CCDC88C: variants seen among roughly 807,000 people sequenced by gnomAD.
The protein encoded by CCDC88C is protein Daple.
CCDC88C carries 131 observed loss-of-function variants against 198.8 expected under a neutral mutation model. The ratio of observed to expected loss-of-function variants is 0.66; its 90% CI spans 0.57 to 0.76. CCDC88C has a LOEUF of 0.76. Ranked by LOEUF, CCDC88C falls within the 30% of genes least tolerant of loss-of-function variation. The probability of loss-of-function intolerance (pLI) is 0.00; values close to 1 mark genes in which losing one functional copy is unlikely to be tolerated. For synonymous variants in CCDC88C, 1,166 were observed against 1,114.7 expected (o/e 1.05, Z -0.92); for missense variants, 2,553 against 2,631.6 (o/e 0.97, Z 0.65).
At position 91,273,418 on chromosome 14, in the gene CCDC88C, C is replaced by A. The variant is rs1483683666; in HGVS notation, c.5294G>T (p.Ser1765Ile). The A allele has an allele frequency of 1.9e-6, 3 of 1,562,932 alleles. No homozygotes were observed. The highest frequency in any genetic ancestry group is 4.6e-5 in the East Asian group (2 of 43,924). ...AGGCTGGGCCTGTCTCGGGGCCACG[C>A]TGGGTGGGGCCTCGGCCTCAGTCAG... is the stretch of plus-strand genomic sequence containing the variant. ...FRLTEAEAPP[S>I]VAPRQAQPPQ... Residue 1765 changes from serine (S) to isoleucine (I), a missense_variant, in exon 30 of 30, where the codon AGC becomes ATC. By Grantham distance (142) the Ser-to-Ile change is moderately radical. Coordinates refer to ENST00000389857, the MANE Select transcript of CCDC88C (RefSeq NM_001080414.4). The surrounding 1 kb of genome is among the most constrained non-coding windows in gnomAD (Gnocchi z 5.6).
At chr14:91,348,504 C>T (rs1366207326) in intron 4 of CCDC88C, among the ~76,000 whole-genome samples, 5 of 151,848 alleles carry the variant, frequency 3.3e-5, no homozygotes, top group Admixed American at 2.0e-4. Context: ...ACAAAAAACA[C>T]CACAAAAACA....
Position 91,303,780 on chromosome 14 carries a change from C to T in CCDC88C, c.3556G>A (p.Glu1186Lys). ...TLHERQSAEY[E>K]ALIRQHSCLK... ...CAGCTGTGCTGGCGGATGAGGGCCT[C>T]GTACTCGGCCGATTGCCGCTCGTGC... is the stretch of plus-strand genomic sequence containing the variant. The change falls in exon 20 of 30, where the codon GAG (glutamate) becomes AAG (lysine). Residue 1186 changes from glutamate (E) to lysine (K), a missense_variant. By Grantham distance (56) the Glu-to-Lys change is moderately conservative. This residue lies in a region of CCDC88C where 1,293 missense variants were observed against 1,219.6 expected (regional missense o/e 1.06). Coordinates refer to ENST00000389857, the MANE Select transcript of CCDC88C (RefSeq NM_001080414.4). The T allele has an allele frequency of 1.2e-6, 2 of 1,613,428 alleles. No homozygotes were observed. Among genetic ancestry groups the T allele is most frequent in the South Asian group, 1.1e-5 (1 of 91,060 alleles).
intron 22 of CCDC88C, among the ~76,000 whole-genome samples, chr14:91,295,009 T>C (rs1212002859): frequency 6.6e-6 from 1 of 152,020 alleles, no homozygotes; most frequent in Non-Finnish European, 1.5e-5. Context: ...AATGGGAAAA[T>C]CACAGGCTTT....
At chr14:91,417,562 G>C in intron 1 of CCDC88C, 69 bp downstream of exon 1, 1 of 1,450,876 alleles carries the variant, frequency 6.9e-7, no homozygotes, top group Non-Finnish European at 9.4e-7. Context: ...TCGGGTCTGC[G>C]GCGTCCCGTC....
intron 3 of CCDC88C, among the ~76,000 whole-genome samples, chr14:91,395,279 C>T (rs923494499): frequency 9.9e-5 from 15 of 152,144 alleles, no homozygotes; most frequent in African/African-American, 3.6e-4. Flanking sequence ...TGAACAAGTA[C>T]GTCCCCTGCA....
At chr14:91,344,573 G>A (rs939883405) in intron 4 of CCDC88C, among the ~76,000 whole-genome samples, 72 of 150,986 alleles carry the variant, frequency 4.8e-4, no homozygotes, top group Middle Eastern at 3.4e-3. Flanking sequence ...GTGCAGTGGT[G>A]CAATCTCGGC....
At chr14:91,417,322 T>C in intron 1 of CCDC88C, 2 of 626,472 alleles carry the variant, frequency 3.2e-6, no homozygotes, top group Non-Finnish European at 5.7e-6. Flanking sequence ...GAGTGACCAC[T>C]GGGACCCGGT....
intron 23 of CCDC88C, 118 bp from the exon 24 acceptor site, chr14:91,291,202 G>C: frequency 1.5e-6 from 1 of 653,114 alleles, no homozygotes; most frequent in South Asian, 1.8e-5. Context: ...CCAGGATTGA[G>C]ATGAGGGTGC....
At chr14:91,357,450 G>A (rs1009987287) in intron 4 of CCDC88C, among the ~76,000 whole-genome samples, 5 of 152,108 alleles carry the variant, frequency 3.3e-5, no homozygotes, top group African/African-American at 7.2e-5. Flanking sequence ...CTAGTGTCTC[G>A]CCAGCACGCT....
chr14:91,342,313 T>G, intron 6 of CCDC88C, 67 bp downstream of exon 6: 1 of 977,858 alleles, frequency 1.0e-6, no homozygotes, highest in Non-Finnish European at 1.6e-6. Flanking sequence ...CATAGAGAAG[T>G]TTTGCCTCCC....
intron 17 of CCDC88C, among the ~76,000 whole-genome samples, chr14:91,307,979 T>C (rs1391855303): frequency 2.0e-5 from 3 of 152,236 alleles, no homozygotes; most frequent in Non-Finnish European, 4.4e-5. Flanking sequence ...GACATGTGCA[T>C]GTCCTCATGA....
chr14:91,361,130 A>T lies in CCDC88C; in HGVS notation c.271-1419T>A, dbSNP rs1278359737. On this transcript the variant is annotated intron_variant, in intron 3 of 29. Coordinates refer to ENST00000389857, the MANE Select transcript of CCDC88C (RefSeq NM_001080414.4). ...GGGTGACGAGTAAAACCCTGTCTAT[A>T]AAAAAAAAAAAAAAAAATCCAATTT... 9.2e-5 allele frequency among the ~76,000 whole-genome samples: 6 copies of T among 65,256 alleles called. No individual in the cohort carries two copies. In the South Asian group the frequency reaches 1.2e-3, roughly 13 times the overall value. The allele number at this position is 65,256 out of a possible 152,430, so 42.8% of individuals were successfully genotyped here. A position where few individuals can be genotyped will look rare whatever the true frequency, so the allele number is the denominator to read the frequency against.
Position 91,323,480 on chromosome 14 carries a change from T to C in CCDC88C, c.1342+1299A>G, listed in dbSNP as rs139082884. Among the ~76,000 whole-genome samples, 497 of 152,342 alleles carry C rather than the reference T, an allele frequency of 3.3e-3. 8 individuals carry two copies. The highest frequency in any genetic ancestry group is 0.012 in the African/African-American group (484 of 41,572). ...AGCTAACCAGCAGAGAAGCCAAGGC[T>C]TTATGCCAGGTCTTTCTGGCTCTCG... On this transcript the variant is annotated intron_variant, in intron 12 of 29. Coordinates refer to ENST00000389857, the MANE Select transcript of CCDC88C (RefSeq NM_001080414.4).
Position 91,272,694 on chromosome 14 carries a change from CTT to C in CCDC88C, c.6016_6017del (p.Lys2006GlufsTer18), listed in dbSNP as rs1889784689. ...CGGGCTCCGGGGAGGCCGGACTGCT[CTT>C]TGAGACGCTCCCTCGACTGCAGTCC... ...LEDCSRGSVS[K>X]SSPASPEPGG... On this transcript the variant is annotated frameshift_variant, in exon 30 of 30. Coordinates refer to ENST00000389857, the MANE Select transcript of CCDC88C (RefSeq NM_001080414.4). LOFTEE classifies it high-confidence loss of function. 6.2e-7 allele frequency: 1 copy of C among 1,611,636 alleles called. No homozygotes were observed. The highest frequency in any genetic ancestry group is 2.2e-5 in the East Asian group (1 of 44,868).
At chr14:91,387,780 C>T (rs116920508) in intron 3 of CCDC88C, among the ~76,000 whole-genome samples, 3 of 152,268 alleles carry the variant, frequency 2.0e-5, no homozygotes, top group East Asian at 1.9e-4. Context: ...AGACAAGAGC[C>T]GAGATGCTGA....
intron 3 of CCDC88C, among the ~76,000 whole-genome samples, chr14:91,378,487 T>C (rs1329918350): frequency 6.6e-6 from 1 of 152,144 alleles, no homozygotes; most frequent in Non-Finnish European, 1.5e-5. Context: ...TAGTCACTTT[T>C]CACAATGTAA....
intron 23 of CCDC88C, among the ~76,000 whole-genome samples, chr14:91,292,531 C>T (rs1263058656): frequency 2.0e-5 from 3 of 152,158 alleles, no homozygotes; most frequent in Non-Finnish European, 4.4e-5. Flanking sequence ...GAAGGTGGCA[C>T]GCCAGCCCTA....
intron 3 of CCDC88C, among the ~76,000 whole-genome samples, chr14:91,375,406 A>G (rs1884342848): frequency 1.3e-5 from 2 of 152,186 alleles, no homozygotes; most frequent in Non-Finnish European, 2.9e-5. Context: ...GAGGACTCCA[A>G]AAAAAATCAA....
intron 3 of CCDC88C, among the ~76,000 whole-genome samples, chr14:91,367,115 C>T (rs1045119958): frequency 1.3e-5 from 2 of 152,192 alleles, no homozygotes; most frequent in African/African-American, 2.4e-5. Context: ...AACTGAATCT[C>T]GCAGCTTGAT....
Sources: gnomAD v4.1 joint callset for allele counts (sites outside exome capture counted in the v4.1 genomes callset) on GRCh38, gnomAD v4.1.1 for gene constraint, gnomAD v4.1.1 regional missense constraint, Gnocchi (gnomAD v3.1) non-coding constraint, MANE v1.5 for transcripts, NCBI Gene and HGNC (gene_info 2026-07-23, HGNC 2026-07-21) for gene names.